SPOCK3: variants seen among roughly 807,000 people sequenced by gnomAD.
SPOCK3 encodes the protein SPARC (osteonectin), cwcv and kazal like domains proteoglycan 3.
Under a neutral mutation model 56.6 loss-of-function variants are expected in SPOCK3, and 30 were observed. The ratio of observed to expected loss-of-function variants is 0.53; its 90% confidence interval spans 0.40 to 0.72. The LOEUF (loss-of-function observed/expected upper bound fraction) is 0.72. Ranked by LOEUF, SPOCK3 falls within the 30% of genes least tolerant of loss-of-function variation. The pLI, the probability that SPOCK3 is intolerant of heterozygous loss-of-function variation, is 0.00. For missense variants in SPOCK3, 527 were observed against 530.0 expected (o/e 0.99, Z 0.06); for synonymous variants, 196 against 183.3 (o/e 1.07, Z -0.56).
At chr4:166,901,439 T>G (rs536929999) in intron 5 of SPOCK3, among the ~76,000 whole-genome samples, 1 of 152,268 alleles carries the variant, frequency 6.6e-6, no homozygotes, top group South Asian at 2.1e-4. Context: ...TTGCAGGAAG[T>G]TCTTTTCGTA....
chr4:166,791,101 A>G (rs1469094854), intron 7 of SPOCK3, among the ~76,000 whole-genome samples: 3 of 152,068 alleles, frequency 2.0e-5, no homozygotes, highest in African/African-American at 7.3e-5. Context: ...TGAAATTCAT[A>G]AAAAGAAATA....
intron 6 of SPOCK3, among the ~76,000 whole-genome samples, chr4:166,863,025 C>T (rs1731401599): frequency 6.6e-6 from 1 of 152,016 alleles, no homozygotes; most frequent in East Asian, 1.9e-4. Context: ...GGTCAGATTA[C>T]CTACAAAGTG....
intron 6 of SPOCK3, among the ~76,000 whole-genome samples, chr4:166,857,579 T>C (rs1417630960): frequency 1.3e-5 from 2 of 152,262 alleles, no homozygotes; most frequent in Non-Finnish European, 2.9e-5. Flanking sequence ...AGTCATCTTC[T>C]TTCCTGCAAC....
chr4:167,211,582 A>C (rs1323441387), intron 2 of SPOCK3, among the ~76,000 whole-genome samples: 1 of 152,134 alleles, frequency 6.6e-6, no homozygotes, highest in Non-Finnish European at 1.5e-5. Flanking sequence ...ATAGTGTATA[A>C]GTTTCATGAG....
In SPOCK3 at chr4:167,057,320, C is replaced by T. The variant is rs570099694; in HGVS notation, c.235+5172G>A. ...ATGGAAAGGAACAACTGGTACCAGC[C>T]ACTGCAAAATCATGCCAAATTGTAA... On this transcript the variant is annotated intron_variant, in intron 3 of 10. Transcript: ENST00000357545. Among the ~76,000 whole-genome samples the T allele has an allele frequency of 1.3e-4, 20 of 152,242 alleles. No homozygotes were observed. The East Asian group carries it at 3.5e-3, about 26-fold the overall frequency.
intron 2 of SPOCK3, among the ~76,000 whole-genome samples, chr4:167,167,063 C>T (rs1299158771): frequency 1.3e-5 from 2 of 151,876 alleles, no homozygotes; most frequent in African/African-American, 4.8e-5. Context: ...TTTATTCTTG[C>T]TGGGGCAAGC....
At chr4:166,819,700 T>C (rs1216809934) in intron 6 of SPOCK3, among the ~76,000 whole-genome samples, 1 of 150,756 alleles carries the variant, frequency 6.6e-6, no homozygotes, top group Non-Finnish European at 1.5e-5. Flanking sequence ...TGTAAGAAAT[T>C]AAAGATTAAA....
At chr4:167,129,518 T>G (rs1049667456) in intron 2 of SPOCK3, among the ~76,000 whole-genome samples, 2 of 152,234 alleles carry the variant, frequency 1.3e-5, no homozygotes, top group Non-Finnish European at 2.9e-5. Flanking sequence ...AATCTCTTTC[T>G]TGTATACTTT....
intron 4 of SPOCK3, among the ~76,000 whole-genome samples, chr4:166,931,816 C>T (rs998935571): frequency 1.3e-5 from 2 of 152,112 alleles, no homozygotes; most frequent in African/African-American, 4.8e-5. Flanking sequence ...AAGGAGCGGC[C>T]AGTATCAGGA....
intron 4 of SPOCK3, among the ~76,000 whole-genome samples, chr4:166,936,048 G>T (rs79264306): frequency 1.3e-5 from 2 of 151,740 alleles, no homozygotes; most frequent in African/African-American, 4.8e-5. Flanking sequence ...AGTATTGAGG[G>T]GTATTGAAAT....
intron 4 of SPOCK3, among the ~76,000 whole-genome samples, chr4:166,939,648 C>A (rs1191974704): frequency 6.6e-6 from 1 of 152,146 alleles, no homozygotes; most frequent in African/African-American, 2.4e-5. Flanking sequence ...GAGGCTGTAG[C>A]ACATATAATA....
chr4:167,017,305 A>G (rs530867803), intron 3 of SPOCK3, among the ~76,000 whole-genome samples: 82 of 152,234 alleles, frequency 5.4e-4, no homozygotes, highest in African/African-American at 1.9e-3. Context: ...ACATGAACAT[A>G]TCTTAATAAC....
At chr4:167,094,927 T>C (rs1759021216) in intron 2 of SPOCK3, among the ~76,000 whole-genome samples, 1 of 152,006 alleles carries the variant, frequency 6.6e-6, no homozygotes, top group Admixed American at 6.6e-5. Flanking sequence ...GAAGACCCGA[T>C]GGTATTGATG....
intron 8 of SPOCK3, among the ~76,000 whole-genome samples, chr4:166,744,922 A>G (rs1036593010): frequency 4.6e-5 from 7 of 152,182 alleles, no homozygotes; most frequent in Non-Finnish European, 8.8e-5. Flanking sequence ...TGAAGCGAGA[A>G]GACAAGTTTA....
chr4:166,901,433 A>T (rs1164534047), intron 5 of SPOCK3, among the ~76,000 whole-genome samples: 1 of 152,172 alleles, frequency 6.6e-6, no homozygotes, highest in African/African-American at 2.4e-5. Flanking sequence ...GATACCTTGC[A>T]GGAAGTTCTT....
chr4:167,080,097 G>A (rs532118966), intron 2 of SPOCK3, among the ~76,000 whole-genome samples: 6 of 152,078 alleles, frequency 3.9e-5, no homozygotes, highest in Admixed American at 6.6e-5. Flanking sequence ...TTTAACAGAT[G>A]TTCTCCACTC....
intron 2 of SPOCK3, among the ~76,000 whole-genome samples, chr4:167,144,669 C>T (rs1351800300): frequency 6.8e-6 from 1 of 147,728 alleles, no homozygotes; most frequent in Non-Finnish European, 1.5e-5. Context: ...TGATTTTAAA[C>T]AGGACAGGTC....
chr4:167,083,873 C>T (rs572412499), intron 2 of SPOCK3, among the ~76,000 whole-genome samples: 121 of 152,190 alleles, frequency 8.0e-4, no homozygotes, highest in African/African-American at 2.8e-3. Flanking sequence ...TGTTATGTTA[C>T]ATTTTTCTAC....
At chr4:167,183,113 A>AATATGGAACAGAGCGAG (rs1731644061) in intron 2 of SPOCK3, among the ~76,000 whole-genome samples, 1 of 152,048 alleles carries the variant, frequency 6.6e-6, no homozygotes, top group Admixed American at 6.6e-5. Context: ...ACAGTTAGAG[A>AATATGGAACAGAGCGAG]ATATGGAACA....
Sources: allele counts gnomAD v4.1 joint callset (sites outside exome capture counted in the v4.1 genomes callset), GRCh38; gene constraint gnomAD v4.1.1; transcripts MANE v1.5; gene names NCBI Gene and HGNC (gene_info 2026-07-23, HGNC 2026-07-21).